SBF2: variants seen among roughly 807,000 people sequenced by gnomAD.
SBF2 encodes the protein SET binding factor 2, also known as myotubularin-related protein 13.
SBF2 carries 112 observed loss-of-function variants against 225.2 expected under a neutral mutation model. The observed-to-expected ratio is 0.50, with a 90% CI of 0.43 to 0.58. The LOEUF (loss-of-function observed/expected upper bound fraction) is 0.58, where lower values mean the gene tolerates loss of function less well. Among genes scored for constraint, SBF2 ranks in the 20% least tolerant of loss-of-function variants. SBF2 has a pLI of 0.00. For synonymous variants in SBF2, 763 were observed against 773.3 expected (o/e 0.99, Z 0.22); for missense variants, 1,996 against 2,206.2 (o/e 0.90, Z 1.91).
chr11:10,270,153 A>C (rs1962349989), intron 1 of SBF2, among the ~76,000 whole-genome samples: 1 of 152,076 alleles, frequency 6.6e-6, no homozygotes, highest in South Asian at 2.1e-4. Flanking sequence ...AGTTAATAAA[A>C]ATTGATGTTA....
At chr11:9,875,542 G>C (rs1027622260) in intron 17 of SBF2, among the ~76,000 whole-genome samples, 1 of 152,194 alleles carries the variant, frequency 6.6e-6, no homozygotes, top group Admixed American at 6.6e-5. Flanking sequence ...AGAAGGCTTT[G>C]GGATTAAGTT....
At chr11:10,168,320 T>G (rs1349854493) in intron 2 of SBF2, among the ~76,000 whole-genome samples, 1 of 152,210 alleles carries the variant, frequency 6.6e-6, no homozygotes, top group African/African-American at 2.4e-5. Flanking sequence ...TAAAGTAATA[T>G]TCTGCATAAA....
chr11:10,010,023 T>C (rs1015464596), intron 6 of SBF2, among the ~76,000 whole-genome samples: 15 of 152,244 alleles, frequency 9.9e-5, no homozygotes, highest in Non-Finnish European at 4.4e-5. Flanking sequence ...CTTTTTTTCA[T>C]GTTTCTTGGA....
intron 28 of SBF2, among the ~76,000 whole-genome samples, chr11:9,818,800 C>A (rs1854593547): frequency 6.6e-6 from 1 of 152,208 alleles, no homozygotes; most frequent in South Asian, 2.1e-4. Flanking sequence ...CGGCTCACCA[C>A]AGCCTCTGCC....
At chr11:9,928,870 C>T (rs1404909539) in intron 16 of SBF2, 45 of 245,382 alleles carry the variant, frequency 1.8e-4, no homozygotes. Context: ...TTATTACTTG[C>T]TGTTCATTTC....
intron 2 of SBF2, 128 bp downstream of exon 2, chr11:10,193,774 T>C (rs1218746847): frequency 1.8e-5 from 13 of 726,202 alleles, no homozygotes; most frequent in South Asian, 1.5e-4. Flanking sequence ...TAACTATTTC[T>C]AGTACTGTAA....
chr11:10,120,707 G>A (rs1184070683), intron 2 of SBF2, among the ~76,000 whole-genome samples: 2 of 152,084 alleles, frequency 1.3e-5, no homozygotes, highest in Non-Finnish European at 2.9e-5. Flanking sequence ...TGCAACCTCC[G>A]CCTCCGGGTT....
intron 32 of SBF2, among the ~76,000 whole-genome samples, chr11:9,805,530 T>A (rs1403560380): frequency 1.3e-5 from 2 of 152,206 alleles, no homozygotes; most frequent in Non-Finnish European, 2.9e-5. Context: ...GGTTTTTGTT[T>A]GTTTGCTTTG....
intron 2 of SBF2, among the ~76,000 whole-genome samples, chr11:10,079,000 G>T (rs990019953): frequency 6.6e-6 from 1 of 151,880 alleles, no homozygotes; most frequent in African/African-American, 2.4e-5. Context: ...GCACCCATAA[G>T]CAAAGCCAGA....
At chr11:10,108,141 C>T (rs532742030) in intron 2 of SBF2, among the ~76,000 whole-genome samples, 13 of 152,178 alleles carry the variant, frequency 8.5e-5, no homozygotes, top group African/African-American at 3.1e-4. Flanking sequence ...TCAAATATAA[C>T]CTAAGTAACC....
At chr11:10,240,259 CAA>C (rs555675542) in intron 1 of SBF2, among the ~76,000 whole-genome samples, 93 of 93,058 alleles carry the variant, frequency 1.0e-3, no homozygotes, top group Non-Finnish European at 1.5e-3. Flanking sequence ...ATTAAAAGAA[CAA>C]AAAAAAAAAA....
At chr11:9,963,001 G>C (rs1866676091) in intron 15 of SBF2, among the ~76,000 whole-genome samples, 1 of 152,112 alleles carries the variant, frequency 6.6e-6, no homozygotes, top group South Asian at 2.1e-4. Flanking sequence ...TAGATATTCA[G>C]AACTATGACA....
intron 27 of SBF2, among the ~76,000 whole-genome samples, chr11:9,831,784 G>T (rs539557729): frequency 6.6e-6 from 1 of 152,300 alleles, no homozygotes; most frequent in Non-Finnish European, 1.5e-5. Context: ...TTGCTGTCTT[G>T]TGTGTGCGTA....
chr11:10,113,195 T>C (rs1040758336), intron 2 of SBF2, among the ~76,000 whole-genome samples: 2 of 152,190 alleles, frequency 1.3e-5, no homozygotes, highest in South Asian at 4.1e-4. Context: ...GGTCTCACTA[T>C]GTTGCCCAGG....
intron 16 of SBF2, among the ~76,000 whole-genome samples, chr11:9,897,025 A>G (rs755867213): frequency 6.6e-6 from 1 of 152,166 alleles, no homozygotes; most frequent in Non-Finnish European, 1.5e-5. Context: ...CATATACCCA[A>G]AATAATGGAA....
chr11:10,038,868 G>A (rs1949546256), intron 3 of SBF2, among the ~76,000 whole-genome samples: 1 of 151,546 alleles, frequency 6.6e-6, no homozygotes, highest in African/African-American at 2.4e-5. Context: ...TTAAATTTTA[G>A]ATATTTAAAA....
chr11:9,992,928 A>C, intron 11 of SBF2, 62 bp downstream of exon 11: 1 of 1,217,502 alleles, frequency 8.2e-7, no homozygotes, highest in Non-Finnish European at 1.2e-6. Context: ...AAAAAAAACC[A>C]AGTAGTTTTA....
intron 2 of SBF2, among the ~76,000 whole-genome samples, chr11:10,188,208 G>C (rs1287479824): frequency 1.3e-5 from 2 of 151,272 alleles, no homozygotes; most frequent in Non-Finnish European, 2.9e-5. Flanking sequence ...ATTTTTTTTT[G>C]CTAAAATTAT....
intron 13 of SBF2, among the ~76,000 whole-genome samples, chr11:9,974,204 G>A (rs1590651959): frequency 1.3e-5 from 2 of 152,090 alleles, no homozygotes; most frequent in East Asian, 1.9e-4. Flanking sequence ...CTTAATACAA[G>A]TAGATGACTT....
Sources: gnomAD v4.1 joint callset for allele counts (sites outside exome capture counted in the v4.1 genomes callset) on GRCh38, gnomAD v4.1.1 for gene constraint, MANE v1.5 for transcripts, NCBI Gene and HGNC (gene_info 2026-07-23, HGNC 2026-07-21) for gene names.